Variants in FHIT observed in about 807,000 individuals in gnomAD.
FHIT encodes bis(5'-adenosyl)-triphosphatase.
A neutral mutation model predicts 17.9 loss-of-function variants in FHIT; 19 were observed. That is an observed-to-expected ratio of 1.06 (90% confidence interval 0.74 to 1.56). The LOEUF (loss-of-function observed/expected upper bound fraction) is 1.56, where lower values mean the gene tolerates loss of function less well. FHIT is among the 40% of genes most tolerant of loss of function. The pLI, the probability that FHIT is intolerant of heterozygous loss-of-function variation, is 0.00. For missense variants in FHIT, 248 were observed against 189.2 expected (o/e 1.31, Z -1.82); for synonymous variants, 81 against 69.7 (o/e 1.16, Z -0.81).
rs971330337 is a variant in FHIT, at chr3:60,118,164, T to C, written c.104-104012A>G. 2.6e-5 allele frequency among the ~76,000 whole-genome samples: 4 copies of C among 152,170 alleles called. No individual in the cohort carries two copies. In the East Asian group the frequency reaches 7.7e-4, roughly 29 times the overall value. On this transcript the variant is annotated intron_variant, in intron 5 of 9. Coordinates refer to ENST00000492590, the MANE Select transcript of FHIT (RefSeq NM_002012.4). Reference sequence around the variant, plus strand: ...TTCTGTTGCCCAGGCTGGAGTGCAGTAGTGCAATAATGTCTCACCGTAGCC... The same window carrying C: ...TTCTGTTGCCCAGGCTGGAGTGCAGCAGTGCAATAATGTCTCACCGTAGCC...
At chr3:60,438,177 G>A (rs1398558390) in intron 5 of FHIT, among the ~76,000 whole-genome samples, 2 of 151,946 alleles carry the variant, frequency 1.3e-5, no homozygotes, top group Non-Finnish European at 2.9e-5. Flanking sequence ...ATCTCCAGTA[G>A]GGAACTTCCC....
At chr3:60,438,689 G>A (rs2030515411) in intron 5 of FHIT, among the ~76,000 whole-genome samples, 1 of 152,088 alleles carries the variant, frequency 6.6e-6, no homozygotes, top group Non-Finnish European at 1.5e-5. Flanking sequence ...AACTATTCCT[G>A]TTTAATAATC....
chr3:60,779,095 A>G (rs2364293), intron 4 of FHIT, among the ~76,000 whole-genome samples: 95,015 of 152,090 alleles, frequency 0.62, 31,795 homozygotes, highest in African/African-American at 0.86. Context: ...CAATCCAAAA[A>G]GCCTATGTAG....
intron 1 of FHIT, among the ~76,000 whole-genome samples, chr3:61,246,308 C>A (rs2040485703): frequency 6.6e-6 from 1 of 152,104 alleles, no homozygotes; most frequent in Non-Finnish European, 1.5e-5. Context: ...TGTGGACTTG[C>A]CCTGAATTCT....
At chr3:60,235,591 T>A (rs1055722634) in intron 5 of FHIT, among the ~76,000 whole-genome samples, 1 of 152,148 alleles carries the variant, frequency 6.6e-6, no homozygotes, top group African/African-American at 2.4e-5. Flanking sequence ...GAAGGAAACA[T>A]TGTATACAGA....
intron 5 of FHIT, among the ~76,000 whole-genome samples, chr3:60,359,998 T>A (rs1213125749): frequency 8.4e-6 from 1 of 119,256 alleles, no homozygotes; most frequent in East Asian, 2.1e-4. Flanking sequence ...TTTTTTTTTC[T>A]TTTTTTTTTT....
chr3:60,517,792 A>G (rs983491158), intron 5 of FHIT, among the ~76,000 whole-genome samples: 2 of 152,336 alleles, frequency 1.3e-5, no homozygotes, highest in African/African-American at 4.8e-5. Flanking sequence ...ATGTGAAACT[A>G]GCAATTAATA....
intron 5 of FHIT, among the ~76,000 whole-genome samples, chr3:60,029,658 T>C (rs1192911320): frequency 6.6e-6 from 1 of 152,060 alleles, no homozygotes. Context: ...TAAAAGAAAA[T>C]GATATTTATT....
chr3:60,825,773 C>A (rs1702089014), intron 3 of FHIT, among the ~76,000 whole-genome samples: 1 of 152,144 alleles, frequency 6.6e-6, no homozygotes, highest in Non-Finnish European at 1.5e-5. Flanking sequence ...TTATCTTCCA[C>A]AAAACCAGTC....
intron 5 of FHIT, among the ~76,000 whole-genome samples, chr3:60,052,973 T>C (rs1433426690): frequency 1.3e-5 from 2 of 151,982 alleles, no homozygotes; most frequent in African/African-American, 2.4e-5. Context: ...ACACTTAAAA[T>C]AGAGTCTTCA....
At position 59,914,429 on chromosome 3, in the gene FHIT, C is replaced by T. The variant is rs375827731; in HGVS notation, c.348+7917G>A. Among the ~76,000 whole-genome samples the T allele has an allele frequency of 4.3e-3, 652 of 152,170 alleles. 7 individuals are homozygous for T. Among genetic ancestry groups the T allele is most frequent in the South Asian group, 0.017 (81 of 4,810 alleles). Reference sequence around the variant, plus strand: ...TCTCCAAAAGCAGGCAACTTGGAGGCCTTAGGATTCCTTCCTGCTGGCATG... The same window carrying T: ...TCTCCAAAAGCAGGCAACTTGGAGGTCTTAGGATTCCTTCCTGCTGGCATG... On this transcript the variant is annotated intron_variant, in intron 8 of 9. Transcript: ENST00000492590.
intron 5 of FHIT, among the ~76,000 whole-genome samples, chr3:60,440,632 A>C (rs2030714509): frequency 6.6e-6 from 1 of 152,058 alleles, no homozygotes; most frequent in Admixed American, 6.6e-5. Flanking sequence ...ATTTATGTCA[A>C]ATTTCCAATC....
intron 5 of FHIT, among the ~76,000 whole-genome samples, chr3:60,371,972 G>T (rs1030353734): frequency 6.6e-6 from 1 of 151,780 alleles, no homozygotes; most frequent in Non-Finnish European, 1.5e-5. Context: ...AAATTGGCAC[G>T]GTCCTGCTAG....
At chr3:59,976,787 G>C (rs960398144) in intron 7 of FHIT, among the ~76,000 whole-genome samples, 2 of 152,136 alleles carry the variant, frequency 1.3e-5, no homozygotes, top group Non-Finnish European at 2.9e-5. Flanking sequence ...CAAATGTCAA[G>C]TGAAATAATA....
chr3:60,193,350 A>T (rs1192065893), intron 5 of FHIT, among the ~76,000 whole-genome samples: 1 of 152,190 alleles, frequency 6.6e-6, no homozygotes, highest in African/African-American at 2.4e-5. Flanking sequence ...TTCAGGCTGC[A>T]AAGGTCTGGG....
rs553800736 is a variant in FHIT at position 60,151,007 on chromosome 3, T to C, written c.104-136855A>G. Among the ~76,000 whole-genome samples, 17 of 152,302 alleles carry C rather than the reference T, an allele frequency of 1.1e-4. No individual in the cohort carries two copies. The South Asian group carries it at 1.2e-3, about 11-fold the overall frequency. On this transcript the variant is annotated intron_variant, in intron 5 of 9. Transcript: ENST00000492590. The stretch of plus-strand genomic sequence containing the variant: ...ATTAAAGACCCCCAACAAGTCATAA[T>C]ATGCTTATATGGCAATATCACATTG...
chr3:60,566,262 G>A (rs534819340), intron 4 of FHIT, among the ~76,000 whole-genome samples: 1 of 152,122 alleles, frequency 6.6e-6, no homozygotes, highest in Admixed American at 6.6e-5. Context: ...TTCTGTAGAT[G>A]ATCAAGTGGG....
chr3:59,973,425 G>T (rs1708274039), intron 7 of FHIT, among the ~76,000 whole-genome samples: 1 of 152,030 alleles, frequency 6.6e-6, no homozygotes, highest in Non-Finnish European at 1.5e-5. Flanking sequence ...TCTGCCACAG[G>T]CCCTCTGCAC....
intron 3 of FHIT, among the ~76,000 whole-genome samples, chr3:60,984,027 C>T (rs1396981351): frequency 6.6e-6 from 1 of 152,114 alleles, no homozygotes; most frequent in Non-Finnish European, 1.5e-5. Flanking sequence ...CAAAGGGAAG[C>T]CCTTCCAGAG....
Sources: gnomAD v4.1 joint callset for allele counts (sites outside exome capture counted in the v4.1 genomes callset) on GRCh38, gnomAD v4.1.1 for gene constraint, MANE v1.5 for transcripts, NCBI Gene and HGNC (gene_info 2026-07-23, HGNC 2026-07-21) for gene names.